Variants in ATP10A observed in about 807,000 individuals in gnomAD.
ATP10A encodes ATPase phospholipid transporting 10A (putative).
ATP10A carries 111 observed loss-of-function variants against 147.8 expected under a neutral mutation model. The observed-to-expected ratio is 0.75, with a 90% confidence interval of 0.64 to 0.88. The LOEUF is 0.88. ATP10A is among the 40% of genes least tolerant of loss of function. The probability of loss-of-function intolerance (pLI) is 0.00; values close to 1 mark genes in which losing one functional copy is unlikely to be tolerated. For synonymous variants in ATP10A, 875 were observed against 841.6 expected (o/e 1.04, Z -0.69); for missense variants, 1,927 against 1,959.0 (o/e 0.98, Z 0.31).
At chr15:25,694,764 A>G in intron 14 of ATP10A, 55 bp downstream of exon 14, 1 of 1,466,504 alleles carries the variant, frequency 6.8e-7, no homozygotes, top group South Asian at 1.3e-5. Context: ...ATGGAAGGGT[A>G]GAGGAAGTTT....
intron 6 of ATP10A, among the ~76,000 whole-genome samples, chr15:25,722,240 A>G (rs1902286177): frequency 6.6e-6 from 1 of 152,182 alleles, no homozygotes; most frequent in African/African-American, 2.4e-5. Flanking sequence ...GAGAAAAAAA[A>G]TCATGGCACA....
chr15:25,841,542 G>A (rs1429266950), intron 1 of ATP10A: 1 of 149,124 alleles, frequency 6.7e-6, no homozygotes, highest in African/African-American at 2.5e-5. Flanking sequence ...GGACATTTTT[G>A]GACCTGTGTT....
chr15:25,745,766 T>C (rs1455382215), intron 2 of ATP10A, among the ~76,000 whole-genome samples: 2 of 152,218 alleles, frequency 1.3e-5, no homozygotes, highest in African/African-American at 4.8e-5. Context: ...AAGATGTTTT[T>C]TGCTTAAAAA....
intron 3 of ATP10A, among the ~76,000 whole-genome samples, chr15:25,732,648 C>T (rs757336415): frequency 2.1e-5 from 3 of 143,128 alleles, no homozygotes; most frequent in South Asian, 4.5e-4. Context: ...CTCCGCCTCC[C>T]GGGTTCACGC....
intron 6 of ATP10A, among the ~76,000 whole-genome samples, chr15:25,723,124 G>C (rs1902344061): frequency 6.6e-6 from 1 of 152,084 alleles, no homozygotes; most frequent in Non-Finnish European, 1.5e-5. Context: ...CGAGGTGGGT[G>C]GATCACTTGA....
At chr15:25,800,627 G>T (rs992559258) in intron 1 of ATP10A, among the ~76,000 whole-genome samples, 1 of 152,156 alleles carries the variant, frequency 6.6e-6, no homozygotes, top group African/African-American at 2.4e-5. Context: ...TTCAAATGGG[G>T]CAAAGTGAGT....
chr15:25,745,401 C>G (rs1887795473), intron 2 of ATP10A, among the ~76,000 whole-genome samples: 1 of 150,820 alleles, frequency 6.6e-6, no homozygotes, highest in African/African-American at 2.4e-5. Context: ...CACACAAAAA[C>G]TAAAGAAAAT....
rs28572381 is a variant in ATP10A at position 25,741,317 on chromosome 15, C to T, written c.655-5176G>A. ...GATCACCCCAGAACTCCGTGCTGGG[C>T]TCTTGGGGACCTAGAGCCCCTGCCT... On this transcript the variant is annotated intron_variant, in intron 2 of 20. Transcript: ENST00000555815. 5.3e-3 allele frequency among the ~76,000 whole-genome samples: 814 copies of T among 152,238 alleles called. 9 individuals carry two copies. Among genetic ancestry groups the T allele is most frequent in the African/African-American group, 0.019 (781 of 41,544 alleles).
intron 12 of ATP10A, among the ~76,000 whole-genome samples, chr15:25,703,554 G>A (rs1179877492): frequency 6.6e-6 from 1 of 152,196 alleles, no homozygotes; most frequent in Non-Finnish European, 1.5e-5. Flanking sequence ...TCCCCAGTCT[G>A]TGGTATTGTG....
chr15:25,758,848 TCACCTGCTCCACCCTCATTCCGAC>T (rs1567361490), intron 2 of ATP10A, among the ~76,000 whole-genome samples: 4 of 58,002 alleles, frequency 6.9e-5, no homozygotes, highest in Admixed American at 1.8e-4. Context: ...CTCATTCCGA[TCACCTGCTCCACCCTCATTCCGAC>T]CACCTGCTCC....
At chr15:25,694,690 A>T (rs1045888790) in intron 14 of ATP10A, 129 bp downstream of exon 14, 74 of 857,594 alleles carry the variant, frequency 8.6e-5, no homozygotes, top group Non-Finnish European at 1.2e-4. Context: ...GCTCTATCAC[A>T]CTGGGTGTGA....
At chr15:25,741,761 A>G (rs913920723) in intron 2 of ATP10A, among the ~76,000 whole-genome samples, 3 of 152,198 alleles carry the variant, frequency 2.0e-5, no homozygotes, top group Non-Finnish European at 4.4e-5. Context: ...AACATTTTCA[A>G]TTTGCTAAAC....
chr15:25,718,168 C>T lies in ATP10A; in HGVS notation c.1581+14G>A. The stretch of plus-strand genomic sequence containing the variant: ...GACGTGGCAGCACCCTAGCAGGAGG[C>T]CCTGTACACTCACCATGGGGCTGCT... On this transcript the variant is annotated intron_variant, in intron 8 of 20. Transcript: ENST00000555815. The T allele has an allele frequency of 6.2e-7, 1 of 1,610,862 alleles. No individual in the cohort carries two copies.
intron 15 of ATP10A, among the ~76,000 whole-genome samples, chr15:25,690,287 A>T (rs2140306413): frequency 6.6e-6 from 1 of 150,426 alleles, no homozygotes; most frequent in East Asian, 1.9e-4. Flanking sequence ...TGTATTGCCC[A>T]AGCTTGAGTG....
At position 25,702,036 on chromosome 15, in the gene ATP10A, T is replaced by C. The variant is rs769488360; in HGVS notation, c.2640A>G (p.Gln880=). The C allele has an allele frequency of 6.8e-6, 11 of 1,614,226 alleles. No individual in the cohort carries two copies. The highest frequency in any genetic ancestry group is 9.3e-6 in the Non-Finnish European group (11 of 1,180,040). Residue 880 remains glutamine, a synonymous_variant, in exon 13 of 21, where the codon CAA becomes CAG. Coordinates refer to ENST00000555815, the MANE Select transcript of ATP10A (RefSeq NM_024490.4). The part of the protein sequence containing the change: ...GVPETISKLR[Q]AGLQIWVLTG... The stretch of plus-strand genomic sequence containing the variant: ...TGAGAACCCAAATCTGCAGGCCCGC[T>C]TGACGCAATTTAGAAATAGTTTCAG...
chr15:25,740,926 G>A (rs1424288117), intron 2 of ATP10A, among the ~76,000 whole-genome samples: 1 of 152,232 alleles, frequency 6.6e-6, no homozygotes. Flanking sequence ...CTGCCACGCA[G>A]GGAACCCTGA....
At chr15:25,706,578 G>A (rs372860905) in intron 12 of ATP10A, among the ~76,000 whole-genome samples, 1 of 152,180 alleles carries the variant, frequency 6.6e-6, no homozygotes, top group African/African-American at 2.4e-5. Context: ...AGGGCTCCTG[G>A]GCTCTGAGAG....
chr15:25,862,662 G>T lies in ATP10A; in HGVS notation c.435C>A (p.Cys145Ter). 6.3e-7 allele frequency: 1 copy of T among 1,588,256 alleles called. No individual in the cohort carries two copies. ...RSDHKINHLG[C>*]LVFSREEKKY... ...GCCCAACTCACCTGCTGAAGACCAG[G>T]CAGCCCAGGTGGTTGATCTTGTGGT... Residue 145 changes from cysteine to a stop codon, truncating the protein, a stop_gained, in exon 1 of 21, where the codon TGC becomes TGA. Transcript: ENST00000555815. LOFTEE classifies it high-confidence loss of function.
chr15:25,779,649 G>T (rs1415319940), intron 2 of ATP10A, among the ~76,000 whole-genome samples: 1 of 152,178 alleles, frequency 6.6e-6, no homozygotes, highest in Admixed American at 6.5e-5. Flanking sequence ...CTGGAGCACA[G>T]TCATGGAGAA....
Sources: allele counts gnomAD v4.1 joint callset (sites outside exome capture counted in the v4.1 genomes callset), GRCh38; gene constraint gnomAD v4.1.1; transcripts MANE v1.5; gene names NCBI Gene and HGNC (gene_info 2026-07-23, HGNC 2026-07-21).